LARGE1: variants seen among roughly 807,000 people sequenced by gnomAD.
The protein encoded by LARGE1 is LARGE xylosyl- and glucuronyltransferase 1.
In LARGE1, 43 loss-of-function variants were observed where a neutral mutation model predicts 87.6. That is an observed-to-expected ratio of 0.49 (90% CI 0.38 to 0.63). The LOEUF (loss-of-function observed/expected upper bound fraction) is 0.63, where lower values mean the gene tolerates loss of function less well. LARGE1 is among the 30% of genes least tolerant of loss of function. The pLI is 0.00. For missense variants in LARGE1, 802 were observed against 1,000.2 expected, an observed-to-expected ratio of 0.80 and a Z score of 2.67; for synonymous variants, 434 against 394.6, an observed-to-expected ratio of 1.10 and a Z score of -1.18.
chr22:33,755,331 T>G (rs1414076673), intron 2 of LARGE1, among the ~76,000 whole-genome samples: 1 of 152,200 alleles, frequency 6.6e-6, no homozygotes, highest in African/African-American at 2.4e-5. Flanking sequence ...TGAAGACATT[T>G]GCTTTTAAAT....
At chr22:33,343,518 G>A (rs1254024058) in intron 9 of LARGE1, among the ~76,000 whole-genome samples, 1 of 152,186 alleles carries the variant, frequency 6.6e-6, no homozygotes, top group African/African-American at 2.4e-5. Context: ...ATGTGATCAT[G>A]GGATTATAGA....
At chr22:33,609,435 A>T (rs530697287) in intron 4 of LARGE1, among the ~76,000 whole-genome samples, 1 of 152,334 alleles carries the variant, frequency 6.6e-6, no homozygotes, top group African/African-American at 2.4e-5. Flanking sequence ...CATGGTGGTG[A>T]GGGTGAAAGA....
intron 6 of LARGE1, among the ~76,000 whole-genome samples, chr22:33,455,544 G>A (rs1177946858): frequency 2.0e-5 from 3 of 152,106 alleles, no homozygotes; most frequent in Admixed American, 6.6e-5. Context: ...CCTGAGGTCA[G>A]AAGTTCAAGA....
Position 33,277,047 on chromosome 22 carries a change from C to A in LARGE1, c.2073+13G>T, listed in dbSNP as rs1252037894. 2 of 1,613,748 alleles carry A rather than the reference C, an allele frequency of 1.2e-6. No homozygotes were observed. The highest frequency in any genetic ancestry group is 1.7e-6 in the Non-Finnish European group (2 of 1,179,638). ...CCGTCGACCATACCAGGTGGATGCT[C>A]CGTTCTTCTCACCTGCACATCCAGC... On this transcript the variant is annotated intron_variant, in intron 14 of 14. Transcript: ENST00000397394.
chr22:33,446,367 C>G (rs1360657845), intron 6 of LARGE1, among the ~76,000 whole-genome samples: 1 of 152,146 alleles, frequency 6.6e-6, no homozygotes, highest in African/African-American at 2.4e-5. Flanking sequence ...ATTATGGAAC[C>G]TGAGGTGAGT....
At chr22:33,393,168 G>C (rs1198069181) in intron 7 of LARGE1, among the ~76,000 whole-genome samples, 1 of 152,174 alleles carries the variant, frequency 6.6e-6, no homozygotes, top group African/African-American at 2.4e-5. Flanking sequence ...GAGCTTATAA[G>C]ACAATCTGCC....
chr22:33,308,539 G>A (rs1935202135), intron 11 of LARGE1, among the ~76,000 whole-genome samples: 1 of 152,064 alleles, frequency 6.6e-6, no homozygotes. Flanking sequence ...ATACCCTCTG[G>A]AAATAATCTC....
At chr22:33,486,877 A>G (rs2069606808) in intron 6 of LARGE1, among the ~76,000 whole-genome samples, 1 of 152,202 alleles carries the variant, frequency 6.6e-6, no homozygotes, top group Non-Finnish European at 1.5e-5. Flanking sequence ...TCTGAGGCTG[A>G]AACTTCTGCA....
In LARGE1 at chr22:33,616,931, T is replaced by G. The variant is rs542255600; in HGVS notation, c.491+9313A>C. On this transcript the variant is annotated intron_variant, in intron 4 of 14. Coordinates refer to ENST00000397394, the MANE Select transcript of LARGE1 (RefSeq NM_133642.5). ...GTGAATTTACTAAACAACCACTAAA[T>G]TGTACACTTTTAAAGAGCAAATTTT... is the stretch of plus-strand genomic sequence containing the variant. Among the ~76,000 whole-genome samples, 6 of 152,324 alleles carry G rather than the reference T, an allele frequency of 3.9e-5. No homozygotes were observed. The South Asian group carries it at 6.2e-4, about 16-fold the overall frequency.
intron 1 of LARGE1, among the ~76,000 whole-genome samples, chr22:33,837,650 T>C (rs185877000): frequency 1.3e-5 from 2 of 152,336 alleles, no homozygotes; most frequent in South Asian, 2.1e-4. Flanking sequence ...ATCTTCAGGA[T>C]GCCTCGGAAG....
At chr22:33,127,152 T>C in the LARGE1 span, among the ~76,000 whole-genome samples, 1 of 152,148 alleles carries the variant, frequency 6.6e-6, no homozygotes, top group Non-Finnish European at 1.5e-5. Context: ...GGTTGCTGGA[T>C]CAAACGGAAC....
At chr22:33,255,944 C>T (rs915286584) in intron 11 of LARGE1, among the ~76,000 whole-genome samples, 7 of 152,158 alleles carry the variant, frequency 4.6e-5, no homozygotes, top group African/African-American at 7.2e-5. Context: ...CAAAGTTTAG[C>T]GCCTGGGGTT....
intron 3 of LARGE1, among the ~76,000 whole-genome samples, chr22:33,638,589 T>C (rs910271921): frequency 6.6e-6 from 1 of 152,168 alleles, no homozygotes; most frequent in Non-Finnish European, 1.5e-5. Flanking sequence ...AGAGCTTCAG[T>C]GCAATGGTTC....
At chr22:33,718,609 CCA>C (rs1196710818) in intron 2 of LARGE1, among the ~76,000 whole-genome samples, 4 of 152,200 alleles carry the variant, frequency 2.6e-5, no homozygotes, top group African/African-American at 9.6e-5. Context: ...CCATCCTGAT[CCA>C]CAGTTATTTT....
At chr22:33,264,560 G>A (rs1927820228) in intron 11 of LARGE1, among the ~76,000 whole-genome samples, 1 of 152,214 alleles carries the variant, frequency 6.6e-6, no homozygotes. Context: ...TTGGGAAGCT[G>A]AGGCAGGAGA....
At chr22:33,784,963 A>T (rs887790441) in intron 1 of LARGE1, among the ~76,000 whole-genome samples, 1 of 151,308 alleles carries the variant, frequency 6.6e-6, no homozygotes, top group Non-Finnish European at 1.5e-5. Flanking sequence ...GTACATGGGT[A>T]TATACATGTG....
At chr22:33,874,617 G>A (rs1287044582) in intron 1 of LARGE1, among the ~76,000 whole-genome samples, 1 of 152,110 alleles carries the variant, frequency 6.6e-6, no homozygotes, top group African/African-American at 2.4e-5. Flanking sequence ...TAAATCTTGG[G>A]CAAGACACTA....
chr22:33,884,116 T>C (rs1225906746), intron 1 of LARGE1, among the ~76,000 whole-genome samples: 2 of 152,180 alleles, frequency 1.3e-5, no homozygotes, highest in African/African-American at 4.8e-5. Flanking sequence ...CTAAGTCAGG[T>C]GGTCTCTGCC....
chr22:33,155,492 C>A, the LARGE1 span, among the ~76,000 whole-genome samples: 1 of 152,090 alleles, frequency 6.6e-6, no homozygotes. Flanking sequence ...TCCTAGAGAT[C>A]TGTGGAACTT....
Sources: gnomAD v4.1 joint callset for allele counts (sites outside exome capture counted in the v4.1 genomes callset) on GRCh38, gnomAD v4.1.1 for gene constraint, MANE v1.5 for transcripts, NCBI Gene and HGNC (gene_info 2026-07-23, HGNC 2026-07-21) for gene names.